The following DMXL1 variants were observed in gnomAD, a reference collection of about 807,000 sequenced individuals.
DMXL1 encodes the protein dmX-like protein 1.
DMXL1 carries 99 observed loss-of-function variants against 319.2 expected under a neutral mutation model. The ratio of observed to expected loss-of-function variants is 0.31; its 90% CI spans 0.26 to 0.37. The LOEUF (loss-of-function observed/expected upper bound fraction) is 0.37, where lower values mean the gene tolerates loss of function less well. Ranked by LOEUF, DMXL1 falls within the 10% of genes least tolerant of loss-of-function variation. The probability of loss-of-function intolerance (pLI) is 1.00; values close to 1 mark genes in which losing one functional copy is unlikely to be tolerated. For synonymous variants in DMXL1, 1,385 were observed against 1,235.2 expected (o/e 1.12, Z -2.54); for missense variants, 3,745 against 3,595.6 (o/e 1.04, Z -1.06).
rs201157312 is a variant in DMXL1 at position 119,220,983 on chromosome 5, G to A, written c.8179G>A (p.Ala2727Thr). The A allele has an allele frequency of 1.2e-6, 2 of 1,613,758 alleles. No individual in the cohort carries two copies. Among genetic ancestry groups the A allele is most frequent in the East Asian group, 4.5e-5 (2 of 44,850 alleles). The change falls in exon 37 of 44, where the codon GCT (alanine) becomes ACT (threonine). Residue 2727 changes from alanine to threonine, a missense_variant. Ala to Thr is a moderately conservative substitution (Grantham distance 58). Transcript: ENST00000539542. Reference sequence around the variant, plus strand: ...TATACATGCTCGTGATGATTTAACAGCTGTTCAAGGTACAACTCCATATAC... The same window carrying A: ...TATACATGCTCGTGATGATTTAACAACTGTTCAAGGTACAACTCCATATAC... ...LVIHARDDLTAVQGTTPYTHS... is the reference protein window; with the variant it reads ...LVIHARDDLTTVQGTTPYTHS...
intron 39 of DMXL1, 146 bp from the exon 40 acceptor site, chr5:119,237,176 T>A (rs573056827): frequency 2.3e-6 from 1 of 425,616 alleles, no homozygotes; most frequent in East Asian, 3.7e-5. Flanking sequence ...TTTTCTGAAA[T>A]AGATCCATGT....
At chr5:119,073,775 T>A (rs1300801534) in intron 1 of DMXL1, among the ~76,000 whole-genome samples, 1 of 152,222 alleles carries the variant, frequency 6.6e-6, no homozygotes, top group African/African-American at 2.4e-5. Context: ...CTTTGCAGCC[T>A]GTTCATCCTT....
At chr5:119,118,367 C>G (rs1761298657) in intron 7 of DMXL1, among the ~76,000 whole-genome samples, 1 of 152,154 alleles carries the variant, frequency 6.6e-6, no homozygotes, top group Non-Finnish European at 1.5e-5. Context: ...ATCAGAAAAT[C>G]TTATTAGAAG....
intron 15 of DMXL1, among the ~76,000 whole-genome samples, chr5:119,146,390 T>C (rs1003213738): frequency 3.9e-5 from 6 of 152,014 alleles, no homozygotes; most frequent in Non-Finnish European, 7.4e-5. Context: ...TTTTCTTGAA[T>C]GATATGTTTT....
intron 20 of DMXL1, 24 bp downstream of exon 20, chr5:119,164,700 A>G: frequency 6.4e-7 from 1 of 1,555,514 alleles, no homozygotes; most frequent in South Asian, 1.2e-5. Context: ...TTTGGTGTAT[A>G]AGTGAATTAA....
At chr5:119,130,102 A>T (rs57669340) in intron 10 of DMXL1, among the ~76,000 whole-genome samples, 60,298 of 151,158 alleles carry the variant, frequency 0.4, 14,303 homozygotes, top group East Asian at 0.83. Flanking sequence ...TTTTTTTTTT[A>T]AAGTTTTGTT....
At chr5:119,101,014 C>A (rs961511310) in intron 2 of DMXL1, among the ~76,000 whole-genome samples, 1 of 152,000 alleles carries the variant, frequency 6.6e-6, no homozygotes, top group Admixed American at 6.6e-5. Flanking sequence ...ATCTCCTGAC[C>A]TCATGATCCT....
chr5:119,189,578 A>G (rs1778346887), intron 28 of DMXL1, 130 bp from the exon 29 acceptor site: 3 of 793,386 alleles, frequency 3.8e-6, no homozygotes, highest in Admixed American at 2.8e-5. Context: ...CCTGCTGTGT[A>G]CTTTCATAAT....
chr5:119,143,341 G>T (rs931211802), intron 13 of DMXL1, among the ~76,000 whole-genome samples: 7 of 151,858 alleles, frequency 4.6e-5, no homozygotes, highest in African/African-American at 1.7e-4. Flanking sequence ...AAGAAGGAAT[G>T]ATTACCAAGA....
At chr5:119,076,627 C>CTT (rs1750943361) in intron 1 of DMXL1, among the ~76,000 whole-genome samples, 1 of 152,110 alleles carries the variant, frequency 6.6e-6, no homozygotes, top group South Asian at 2.1e-4. Flanking sequence ...GTTCTCAATA[C>CTT]TTTATTATAT....
At chr5:119,177,175 T>C (rs1032558908) in intron 26 of DMXL1, among the ~76,000 whole-genome samples, 182 bp from the exon 27 acceptor site, 1 of 152,162 alleles carries the variant, frequency 6.6e-6, no homozygotes, top group Admixed American at 6.6e-5. Context: ...ATTTAGAAAA[T>C]GTGTATATTT....
intron 9 of DMXL1, among the ~76,000 whole-genome samples, chr5:119,125,937 GT>G (rs557721634): frequency 0.014 from 2,080 of 152,178 alleles, 24 homozygotes; most frequent in Middle Eastern, 0.065. Context: ...AAGCATATAG[GT>G]TTTTTTCTTT....
chr5:119,233,739 G>C (rs908654171), intron 39 of DMXL1, among the ~76,000 whole-genome samples: 32 of 152,110 alleles, frequency 2.1e-4, no homozygotes, highest in African/African-American at 7.5e-4. Context: ...ATTATTAAAT[G>C]CTCCTACTCT....
rs1303494633 is a variant in DMXL1 at position 119,173,764 on chromosome 5, A to G, written c.6682-1497A>G. On this transcript the variant is annotated intron_variant, in intron 25 of 43. Transcript: ENST00000539542. ...TATATATATGTGTGTGTATATATAT[A>G]TATGTGTGTGTGTATATATATATAT... Among the ~76,000 whole-genome samples, 82 of 107,632 alleles carry G rather than the reference A, an allele frequency of 7.6e-4. 1 individual carries two copies. The highest frequency in any genetic ancestry group is 2.8e-3 in the African/African-American group (70 of 24,570). The allele number at this position is 107,632 out of a possible 152,430, so 70.6% of individuals were successfully genotyped here.
chr5:119,089,626 CTT>C (rs199623391), intron 1 of DMXL1, among the ~76,000 whole-genome samples: 2,791 of 127,274 alleles, frequency 0.022, 37 homozygotes, highest in Middle Eastern at 0.079. Flanking sequence ...TTGGTACTGC[CTT>C]TTTTTTTTTT....
intron 1 of DMXL1, among the ~76,000 whole-genome samples, chr5:119,089,294 T>TATA (rs150933906): frequency 1.9e-3 from 33 of 16,950 alleles, no homozygotes; most frequent in African/African-American, 3.4e-3. Flanking sequence ...ATATATATAT[T>TATA]TTTTTTTTTT....
chr5:119,095,028 T>C (rs573107009), intron 1 of DMXL1, among the ~76,000 whole-genome samples: 3 of 152,258 alleles, frequency 2.0e-5, no homozygotes, highest in African/African-American at 7.2e-5. Flanking sequence ...GCTAATTTTT[T>C]GTGTTTTCTG....
At chr5:119,074,993 A>C (rs1750493954) in intron 1 of DMXL1, among the ~76,000 whole-genome samples, 2 of 152,202 alleles carry the variant, frequency 1.3e-5, no homozygotes, top group Non-Finnish European at 2.9e-5. Flanking sequence ...TACATGAAAA[A>C]GTGCTAAGCT....
At position 119,128,052 on chromosome 5, in the gene DMXL1, T is replaced by A. The variant is rs946190642; in HGVS notation, c.1103-1159T>A. The A allele has an allele frequency of 3.9e-5, 17 of 440,708 alleles. 1 individual carries two copies. Among genetic ancestry groups the A allele is most frequent in the South Asian group, 3.2e-4 (17 of 53,866 alleles). 27.3% of individuals were successfully genotyped at this position (440,708 alleles called of 1,614,324 possible). A position where few individuals can be genotyped will look rare whatever the true frequency, so the allele number is the denominator to read the frequency against. ...TTCTCCATTTAGGTGGTCCTCAATT[T>A]ACTATCAGTGTAGTCAGTAACCAAC... On this transcript the variant is annotated intron_variant, in intron 9 of 43. Coordinates refer to ENST00000539542, the MANE Select transcript of DMXL1 (RefSeq NM_001290321.3).
Sources: gnomAD v4.1 joint callset for allele counts (sites outside exome capture counted in the v4.1 genomes callset) on GRCh38, gnomAD v4.1.1 for gene constraint, MANE v1.5 for transcripts, NCBI Gene and HGNC (gene_info 2026-07-23, HGNC 2026-07-21) for gene names.